The following ROBO1 variants were observed in gnomAD, a reference collection of about 807,000 sequenced individuals.
The protein encoded by ROBO1 is roundabout guidance receptor 1.
Under a neutral mutation model 195.9 loss-of-function variants are expected in ROBO1, and 149 were observed. That is an observed-to-expected ratio of 0.76 (90% CI 0.67 to 0.87). ROBO1 has a LOEUF of 0.87. Among genes scored for constraint, ROBO1 ranks in the 40% least tolerant of loss-of-function variants. ROBO1 has a pLI of 0.00. For synonymous variants in ROBO1, 816 were observed against 733.2 expected, an observed-to-expected ratio of 1.11 and a Z score of -1.82; for missense variants, 1,933 against 2,068.3, an observed-to-expected ratio of 0.93 and a Z score of 1.27.
chr3:79,209,593 T>C (rs1227566500), intron 2 of ROBO1, among the ~76,000 whole-genome samples: 1 of 152,174 alleles, frequency 6.6e-6, no homozygotes. Flanking sequence ...TTTTCCATAG[T>C]GGTTGTACTA....
At chr3:79,448,470 T>C (rs991241496) in intron 2 of ROBO1, among the ~76,000 whole-genome samples, 5 of 152,204 alleles carry the variant, frequency 3.3e-5, no homozygotes, top group African/African-American at 1.2e-4. Flanking sequence ...AATATTTTTA[T>C]AGCATTAGTA....
At chr3:79,714,854 G>A (rs1304648500) in intron 1 of ROBO1, among the ~76,000 whole-genome samples, 1 of 128,856 alleles carries the variant, frequency 7.8e-6, no homozygotes, top group Non-Finnish European at 1.6e-5. Flanking sequence ...GTTGTGGGGT[G>A]GGGGGAGGGG....
At chr3:79,402,008 T>C (rs769492285) in intron 2 of ROBO1, among the ~76,000 whole-genome samples, 11 of 151,910 alleles carry the variant, frequency 7.2e-5, no homozygotes, top group Middle Eastern at 3.2e-3. Context: ...CTAATTTAAA[T>C]TTGTTAAACG....
At chr3:79,498,233 AT>A (rs1359307712) in intron 2 of ROBO1, among the ~76,000 whole-genome samples, 1 of 152,126 alleles carries the variant, frequency 6.6e-6, no homozygotes, top group Non-Finnish European at 1.5e-5. Context: ...TATATCTGTT[AT>A]TTTTTATTTT....
intron 3 of ROBO1, among the ~76,000 whole-genome samples, chr3:79,116,314 CCTTTTCTTTTT>C (rs1324739549): frequency 6.7e-6 from 1 of 150,194 alleles, no homozygotes; most frequent in East Asian, 1.9e-4. Flanking sequence ...TTCCTTCCTT[CCTTTTCTTTTT>C]CTTTTCTTTT....
chr3:79,179,633 T>C (rs1469705007), intron 2 of ROBO1, among the ~76,000 whole-genome samples: 1 of 152,190 alleles, frequency 6.6e-6, no homozygotes, highest in Non-Finnish European at 1.5e-5. Context: ...AGTTTGTTAG[T>C]GAATCAGTGA....
At chr3:79,729,078 T>A (rs79220023) in intron 1 of ROBO1, among the ~76,000 whole-genome samples, 1,855 of 152,320 alleles carry the variant, frequency 0.012, 33 homozygotes, top group African/African-American at 0.041. Context: ...TATTTGAGAA[T>A]TGTTGAAATT....
chr3:78,971,677 A>C (rs530390350), intron 3 of ROBO1, among the ~76,000 whole-genome samples: 1 of 152,306 alleles, frequency 6.6e-6, no homozygotes, highest in South Asian at 2.1e-4. Context: ...CAAATAAAAG[A>C]GCTTCTATGC....
At chr3:78,668,711 T>C in intron 11 of ROBO1, 146 bp from the exon 12 acceptor site, 1 of 627,204 alleles carries the variant, frequency 1.6e-6, no homozygotes, top group Non-Finnish European at 2.8e-6. Context: ...GTTGAATATA[T>C]TTTTATTGAA....
chr3:79,031,165 T>A (rs942233994), intron 3 of ROBO1, among the ~76,000 whole-genome samples: 5 of 152,228 alleles, frequency 3.3e-5, no homozygotes, highest in African/African-American at 1.2e-4. Context: ...AACATTTATA[T>A]GGTGATAATT....
At chr3:79,110,269 A>G (rs2079861933) in intron 3 of ROBO1, among the ~76,000 whole-genome samples, 1 of 152,026 alleles carries the variant, frequency 6.6e-6, no homozygotes, top group Non-Finnish European at 1.5e-5. Flanking sequence ...ATATAATACT[A>G]TATAATATAC....
At chr3:79,239,756 C>T (rs1363486820) in intron 2 of ROBO1, among the ~76,000 whole-genome samples, 2 of 152,098 alleles carry the variant, frequency 1.3e-5, no homozygotes, top group Non-Finnish European at 2.9e-5. Context: ...GATCTTTTCA[C>T]GTTCCCAAAC....
At chr3:79,109,412 A>G (rs1367789590) in intron 3 of ROBO1, among the ~76,000 whole-genome samples, 1 of 151,966 alleles carries the variant, frequency 6.6e-6, no homozygotes, top group African/African-American at 2.4e-5. Flanking sequence ...ATAGACACTC[A>G]TTTACATACC....
intron 2 of ROBO1, among the ~76,000 whole-genome samples, chr3:79,135,417 G>C (rs996202298): frequency 6.6e-6 from 1 of 152,002 alleles, no homozygotes; most frequent in African/African-American, 2.4e-5. Context: ...TATCAGCTAT[G>C]AAGCCTTTCT....
At chr3:79,697,650 G>A (rs1396799432) in intron 1 of ROBO1, among the ~76,000 whole-genome samples, 2 of 151,244 alleles carry the variant, frequency 1.3e-5, no homozygotes, top group African/African-American at 4.8e-5. Flanking sequence ...CATATGATGA[G>A]GTGATATATT....
At chr3:79,028,191 C>A (rs573069472) in intron 3 of ROBO1, among the ~76,000 whole-genome samples, 1 of 151,820 alleles carries the variant, frequency 6.6e-6, no homozygotes, top group Non-Finnish European at 1.5e-5. Context: ...TTGGAAACTG[C>A]CAGCAAAAGA....
At chr3:79,429,486 C>G (rs753394100) in intron 2 of ROBO1, among the ~76,000 whole-genome samples, 1 of 152,072 alleles carries the variant, frequency 6.6e-6, no homozygotes, top group African/African-American at 2.4e-5. Flanking sequence ...CCCACAAACA[C>G]GCAAAGCCTA....
intron 2 of ROBO1, among the ~76,000 whole-genome samples, chr3:79,411,883 C>A (rs1029802491): frequency 6.6e-6 from 1 of 152,088 alleles, no homozygotes; most frequent in Non-Finnish European, 1.5e-5. Context: ...GAAGAAAAAA[C>A]AGAAATGCAC....
intron 4 of ROBO1, among the ~76,000 whole-genome samples, chr3:78,849,718 G>A (rs953693439): frequency 6.6e-6 from 1 of 151,666 alleles, no homozygotes; most frequent in Non-Finnish European, 1.5e-5. Flanking sequence ...GCATGTTCTC[G>A]GAGTAACATC....
Sources: allele counts gnomAD v4.1 joint callset (sites outside exome capture counted in the v4.1 genomes callset), GRCh38; gene constraint gnomAD v4.1.1; transcripts MANE v1.5; gene names NCBI Gene and HGNC (gene_info 2026-07-23, HGNC 2026-07-21).